CNOT7: variants seen among roughly 807,000 people sequenced by gnomAD.
CNOT7 encodes CCR4-NOT transcription complex subunit 7.
Under a neutral mutation model 37.1 loss-of-function variants are expected in CNOT7, and 4 were observed. That is an observed-to-expected ratio of 0.11 (90% CI 0.05 to 0.25). The LOEUF (loss-of-function observed/expected upper bound fraction) is 0.25, where lower values mean the gene tolerates loss of function less well. Among genes scored for constraint, CNOT7 ranks in the 10% least tolerant of loss-of-function variants. CNOT7 has a pLI of 1.00. For synonymous variants in CNOT7, 128 were observed against 115.6 expected, an observed-to-expected ratio of 1.11 and a Z score of -0.69; for missense variants, 170 against 336.2, an observed-to-expected ratio of 0.51 and a Z score of 3.87.
chr8:17,236,347 A>T (rs376664450), intron 4 of CNOT7, among the ~76,000 whole-genome samples: 1 of 152,214 alleles, frequency 6.6e-6, no homozygotes. Flanking sequence ...ACAAAAGCCA[A>T]TATCATTCTG....
chr8:17,238,330 G>T (rs987298254), intron 3 of CNOT7, among the ~76,000 whole-genome samples: 1 of 150,704 alleles, frequency 6.6e-6, no homozygotes, highest in African/African-American at 2.5e-5. Context: ...CTTCACTTGG[G>T]CCAAAAAGTA....
chr8:17,245,075 T>C lies in CNOT7; in HGVS notation c.78A>G (p.Lys26=). 6.2e-7 allele frequency: 1 copy of C among 1,613,742 alleles called. No homozygotes were observed. ...WACNLDEEMK[K]IRQVIRKYNY... is the part of the protein sequence containing the mutation. ...TATATTTTCGGATAACTTGACGAAT[T>C]TTCTTCATCTCTTCATCCAAGTTGC... Residue 26 remains lysine (K), a synonymous_variant, in exon 2 of 7, where the codon AAA becomes AAG. Coordinates refer to ENST00000361272, the MANE Select transcript of CNOT7 (RefSeq NM_013354.7).
At chr8:17,236,145 T>C (rs1016291988) in intron 4 of CNOT7, among the ~76,000 whole-genome samples, 1 of 152,190 alleles carries the variant, frequency 6.6e-6, no homozygotes, top group Non-Finnish European at 1.5e-5. Context: ...GTGTGTTCAG[T>C]ACCTACAACT....
chr8:17,235,133 A>G (rs1456679645), intron 4 of CNOT7, among the ~76,000 whole-genome samples: 2 of 152,196 alleles, frequency 1.3e-5, no homozygotes, highest in African/African-American at 2.4e-5. Context: ...ATAAAATACT[A>G]TTTTGTTGAT....
chr8:17,234,869 G>T lies in CNOT7; in HGVS notation c.474-9C>A, dbSNP rs1336020077. 1 of 1,612,206 alleles carries T rather than the reference G, an allele frequency of 6.2e-7. No individual in the cohort carries two copies. Among genetic ancestry groups the T allele is most frequent in the South Asian group, 1.1e-5 (1 of 90,980 alleles). On this transcript the variant is annotated splice_polypyrimidine_tract_variant and intron_variant, in intron 4 of 6. Transcript: ENST00000361272. ...AGCCAAAGTCGTAACCGCTATAAAA[G>T]GGTTAAAAGAATAGAGAAGAGGGAC...
chr8:17,242,805 C>T, intron 3 of CNOT7, 187 bp downstream of exon 3: 3 of 428,578 alleles, frequency 7.0e-6, no homozygotes. Context: ...ACATCTTTAA[C>T]ATCAAAGTAT....
In CNOT7 at chr8:17,226,655, C is replaced by T. The variant is rs1209972604; in HGVS notation, c.*4065G>A. ...AAAAACTGCTACAGGAAAATATATC[C>T]ACTAAAAATGGATTTGGCAATACAG... On this transcript the variant is annotated 3_prime_UTR_variant, in exon 7 of 7. Transcript: ENST00000361272. 4 of 151,660 alleles carry T rather than the reference C, an allele frequency of 2.6e-5. No individual in the cohort carries two copies. The highest frequency in any genetic ancestry group is 4.4e-5 in the Non-Finnish European group (3 of 67,728). The allele number at this position is 151,660 out of a possible 1,614,324, so 9.4% of individuals were successfully genotyped here.
At chr8:17,232,742 A>G (rs1462723306) in intron 5 of CNOT7, among the ~76,000 whole-genome samples, 2 of 152,212 alleles carry the variant, frequency 1.3e-5, no homozygotes, top group African/African-American at 2.4e-5. Flanking sequence ...ATAGAAAACA[A>G]GATCCTAATT....
At chr8:17,242,814 A>AT (rs1290074116) in intron 3 of CNOT7, 178 bp downstream of exon 3, 26 of 426,290 alleles carry the variant, frequency 6.1e-5, no homozygotes, top group East Asian at 2.3e-4. Flanking sequence ...ACATCAAAGT[A>AT]TTTTTTTTGG....
intron 6 of CNOT7, chr8:17,231,752 G>C: frequency 1.0e-6 from 1 of 985,296 alleles, no homozygotes. Flanking sequence ...GTAGATAATG[G>C]GTTCATTTAG....
rs1012130955 is a variant in CNOT7 at position 17,228,313 on chromosome 8, A to C, written c.*2407T>G. On this transcript the variant is annotated 3_prime_UTR_variant, in exon 7 of 7. Coordinates refer to ENST00000361272, the MANE Select transcript of CNOT7 (RefSeq NM_013354.7). ...CTAAAATATCAGCCAAATATCTTAC[A>C]TCTGGAACCTAGACTTTACAAACAT... 1.3e-5 allele frequency: 2 copies of C among 151,880 alleles called. No homozygotes were observed. The highest frequency in any genetic ancestry group is 4.8e-5 in the African/African-American group (2 of 41,426). 9.4% of individuals were successfully genotyped at this position (151,880 alleles called of 1,614,324 possible). A position where few individuals can be genotyped will look rare whatever the true frequency, so the allele number is the denominator to read the frequency against.
chr8:17,240,263 CA>C, intron 3 of CNOT7, among the ~76,000 whole-genome samples: 1 of 152,222 alleles, frequency 6.6e-6, no homozygotes, highest in Non-Finnish European at 1.5e-5. Context: ...CAAGCTTGTC[CA>C]ACCTGCAGCC....
At chr8:17,235,687 G>A (rs1297551546) in intron 4 of CNOT7, among the ~76,000 whole-genome samples, 2 of 152,134 alleles carry the variant, frequency 1.3e-5, no homozygotes, top group African/African-American at 2.4e-5. Context: ...AAGCCTATAT[G>A]ACATTTGCTC....
Position 17,244,602 on chromosome 8 carries a change from G to A in CNOT7, c.117+434C>T, listed in dbSNP as rs1810640347. 10 of 153,866 alleles carry A rather than the reference G, an allele frequency of 6.5e-5. No individual in the cohort carries two copies. In the Admixed American group the frequency reaches 6.5e-4, roughly 10 times the overall value. 9.5% of individuals were successfully genotyped at this position (153,866 alleles called of 1,614,324 possible). A position where few individuals can be genotyped will look rare whatever the true frequency, so the allele number is the denominator to read the frequency against. On this transcript the variant is annotated intron_variant, in intron 2 of 6. Transcript: ENST00000361272. Reference sequence around the variant, plus strand: ...CAAAATGACCAAGTATCTCCATCCTGGCTAAATGAATGACTGTTCCTTCTC... The same window carrying A: ...CAAAATGACCAAGTATCTCCATCCTAGCTAAATGAATGACTGTTCCTTCTC...
At chr8:17,231,160 G>C (rs1047402261) in intron 6 of CNOT7, among the ~76,000 whole-genome samples, 1 of 151,994 alleles carries the variant, frequency 6.6e-6, no homozygotes, top group South Asian at 2.1e-4. Context: ...CAATACTCAA[G>C]AATGAAGAAA....
Position 17,237,065 on chromosome 8 carries a change from T to C in CNOT7, c.473+147A>G, listed in dbSNP as rs1389576446. The C allele has an allele frequency of 4.1e-6, 3 of 723,724 alleles. No individual in the cohort carries two copies. The East Asian group carries it at 7.7e-5, about 19-fold the overall frequency. 44.8% of individuals were successfully genotyped at this position (723,724 alleles called of 1,614,324 possible). A position where few individuals can be genotyped will look rare whatever the true frequency, so the allele number is the denominator to read the frequency against. ...AATTAACCTTTAAGCAGACCAACAT[T>C]AGCCTCCTAAGAGTTAGGAGACAAC... On this transcript the variant is annotated intron_variant, in intron 4 of 6. Coordinates refer to ENST00000361272, the MANE Select transcript of CNOT7 (RefSeq NM_013354.7).
At chr8:17,235,667 C>G (rs558642584) in intron 4 of CNOT7, among the ~76,000 whole-genome samples, 5 of 152,262 alleles carry the variant, frequency 3.3e-5, no homozygotes, top group African/African-American at 1.2e-4. Context: ...TTCCAAGGAC[C>G]TCTAACAGGA....
intron 4 of CNOT7, 78 bp from the exon 5 acceptor site, chr8:17,234,938 A>T (rs1809142214): frequency 7.6e-7 from 1 of 1,318,996 alleles, no homozygotes. Context: ...TTTCTGATTC[A>T]AATTTAAGCA....
intron 3 of CNOT7, among the ~76,000 whole-genome samples, chr8:17,238,895 A>G (rs1380282965): frequency 6.6e-6 from 1 of 152,224 alleles, no homozygotes; most frequent in Non-Finnish European, 1.5e-5. Context: ...CCTCATCGCC[A>G]AAGCTAATTG....
Sources: allele counts gnomAD v4.1 joint callset (sites outside exome capture counted in the v4.1 genomes callset), GRCh38; gene constraint gnomAD v4.1.1; transcripts MANE v1.5; gene names NCBI Gene and HGNC (gene_info 2026-07-23, HGNC 2026-07-21).